ATG10: variants seen among roughly 807,000 people sequenced by gnomAD.
The protein encoded by ATG10 is autophagy related 10.
ATG10 carries 30 observed loss-of-function variants against 32.1 expected under a neutral mutation model. That is an observed-to-expected ratio of 0.94 (90% CI 0.70 to 1.27). The LOEUF (loss-of-function observed/expected upper bound fraction) is 1.27. Among genes scored for constraint, ATG10 ranks in the 50% most tolerant of loss-of-function variants. The pLI, the probability that ATG10 is intolerant of heterozygous loss-of-function variation, is 0.00. For missense variants in ATG10, 233 were observed against 262.3 expected (o/e 0.89, Z 0.77); for synonymous variants, 87 against 91.5 (o/e 0.95, Z 0.28).
At chr5:82,031,946 T>TAGC (rs1762753293) in intron 2 of ATG10, among the ~76,000 whole-genome samples, 2 of 152,238 alleles carry the variant, frequency 1.3e-5, no homozygotes, top group Admixed American at 1.3e-4. Flanking sequence ...GGAGCAACTA[T>TAGC]AGCAGCCTGC....
In ATG10 at chr5:82,071,751, TAGTC is replaced by T. The variant is rs1361632974; in HGVS notation, c.216+13152_216+13155del. Among the ~76,000 whole-genome samples the T allele has an allele frequency of 3.9e-5, 6 of 152,182 alleles. No homozygotes were observed. In the East Asian group the frequency reaches 5.8e-4, roughly 15 times the overall value. ...TGTGACTTTAGATTGGGCTGTGAAA[TAGTC>T]AGCGTTTTTAGCAGTTTGTCTGAAT... On this transcript the variant is annotated intron_variant, in intron 3 of 7. Transcript: ENST00000282185.
At chr5:82,041,615 C>T (rs949504950) in intron 2 of ATG10, among the ~76,000 whole-genome samples, 2 of 152,096 alleles carry the variant, frequency 1.3e-5, no homozygotes, top group African/African-American at 4.8e-5. Context: ...ATGTAAAACA[C>T]ATTTATTTTT....
rs529504745 is a variant in ATG10, at chr5:82,082,152, G to T, written c.216+23550G>T. On this transcript the variant is annotated intron_variant, in intron 3 of 7. Coordinates refer to ENST00000282185, the MANE Select transcript of ATG10 (RefSeq NM_031482.5). ...GGAGTTACAATTCCAGATGAGATTT[G>T]GGGGGGGGGACACAGCCAAACCATT... Among the ~76,000 whole-genome samples the T allele has an allele frequency of 8.7e-5, 13 of 148,950 alleles. 1 individual carries two copies. The highest frequency in any genetic ancestry group is 5.3e-4 in the Admixed American group (8 of 15,054).
intron 1 of ATG10, among the ~76,000 whole-genome samples, chr5:81,976,526 T>G (rs1291993108): frequency 6.6e-6 from 1 of 152,112 alleles, no homozygotes; most frequent in Non-Finnish European, 1.5e-5. Context: ...AAAATGAAAC[T>G]TTAGCTTAAC....
At chr5:82,077,985 T>C (rs917872564) in intron 3 of ATG10, among the ~76,000 whole-genome samples, 6 of 152,184 alleles carry the variant, frequency 3.9e-5, no homozygotes, top group African/African-American at 1.2e-4. Flanking sequence ...TCTTAGTGCA[T>C]TGGGATCATG....
At chr5:82,172,568 G>A (rs995241956) in intron 4 of ATG10, among the ~76,000 whole-genome samples, 2 of 152,090 alleles carry the variant, frequency 1.3e-5, no homozygotes, top group Non-Finnish European at 2.9e-5. Flanking sequence ...TTACCCTCAT[G>A]TGAAGACAAA....
chr5:82,160,547 A>T (rs984512047), intron 3 of ATG10, among the ~76,000 whole-genome samples: 3 of 152,168 alleles, frequency 2.0e-5, no homozygotes, highest in Non-Finnish European at 2.9e-5. Context: ...TGTGGTAATT[A>T]TATGTTTACT....
chr5:82,224,149 G>A (rs976213020), intron 5 of ATG10, among the ~76,000 whole-genome samples: 30 of 152,130 alleles, frequency 2.0e-4, no homozygotes, highest in Admixed American at 5.9e-4. Context: ...AGAATAGTCC[G>A]GGGCATGGTA....
intron 5 of ATG10, among the ~76,000 whole-genome samples, chr5:82,236,479 G>A (rs1469282092): frequency 6.6e-6 from 1 of 152,158 alleles, no homozygotes; most frequent in East Asian, 1.9e-4. Context: ...GAGCTGGAGT[G>A]GAGACTGTCA....
chr5:82,024,057 T>C (rs576568365), intron 2 of ATG10, among the ~76,000 whole-genome samples: 4 of 152,136 alleles, frequency 2.6e-5, no homozygotes, highest in African/African-American at 7.2e-5. Context: ...CCTAAAAAAC[T>C]GAGAGGTTTC....
chr5:82,066,017 G>A lies in ATG10; in HGVS notation c.216+7415G>A, dbSNP rs1763933424. Among the ~76,000 whole-genome samples, 5 of 151,888 alleles carry A rather than the reference G, an allele frequency of 3.3e-5. No homozygotes were observed. In the South Asian group the frequency reaches 1.0e-3, roughly 31 times the overall value. Reference sequence around the variant, plus strand: ...ATCGTGTCCAGCACTCATCCACTCAGTAAAAGGAAACAGTATCTAGTTAAC... The same window carrying A: ...ATCGTGTCCAGCACTCATCCACTCAATAAAAGGAAACAGTATCTAGTTAAC... On this transcript the variant is annotated intron_variant, in intron 3 of 7. Transcript: ENST00000282185.
chr5:82,097,821 A>G (rs1284790282), intron 3 of ATG10, among the ~76,000 whole-genome samples: 2 of 152,350 alleles, frequency 1.3e-5, no homozygotes, highest in East Asian at 3.9e-4. Flanking sequence ...TGTGTCTGAA[A>G]GAAATAATTC....
intron 3 of ATG10, among the ~76,000 whole-genome samples, chr5:82,162,845 G>A (rs1369771761): frequency 1.5e-5 from 2 of 131,458 alleles, no homozygotes; most frequent in African/African-American, 5.5e-5. Flanking sequence ...CGGGGGTGGG[G>A]AGGAGGTGTG....
intron 3 of ATG10, among the ~76,000 whole-genome samples, chr5:82,138,507 G>C (rs887300124): frequency 3.3e-5 from 5 of 152,010 alleles, no homozygotes; most frequent in African/African-American, 1.2e-4. Flanking sequence ...TGTGCTTCCC[G>C]GGTCAGGTGA....
chr5:82,220,635 CTT>C (rs1189095698), intron 5 of ATG10, among the ~76,000 whole-genome samples: 1 of 143,178 alleles, frequency 7.0e-6, no homozygotes, highest in Admixed American at 7.0e-5. Flanking sequence ...CTCTCTCTCT[CTT>C]TTTTTTTTTT....
At chr5:82,006,373 A>G (rs887109918) in intron 2 of ATG10, among the ~76,000 whole-genome samples, 1 of 152,122 alleles carries the variant, frequency 6.6e-6, no homozygotes, top group Non-Finnish European at 1.5e-5. Flanking sequence ...AGAGAATAGT[A>G]TAATGAATTC....
At chr5:82,185,829 T>G (rs1744425173) in intron 5 of ATG10, among the ~76,000 whole-genome samples, 4 of 152,210 alleles carry the variant, frequency 2.6e-5, no homozygotes, top group Admixed American at 2.6e-4. Flanking sequence ...AGTGCTCAAG[T>G]GAAGTTCCAG....
chr5:82,075,011 T>G lies in ATG10; in HGVS notation c.216+16409T>G, dbSNP rs576849823. ...GTTGCTAAGGTAGCATTTTCCTGAT[T>G]GGGAGGAGAAACCCTCCTGGGTGTT... On this transcript the variant is annotated intron_variant, in intron 3 of 7. Transcript: ENST00000282185. 3.3e-5 allele frequency among the ~76,000 whole-genome samples: 5 copies of G among 152,350 alleles called. No individual in the cohort carries two copies. The South Asian group carries it at 1.0e-3, about 32-fold the overall frequency.
At chr5:82,138,932 C>T (rs1438892006) in intron 3 of ATG10, among the ~76,000 whole-genome samples, 13 of 143,540 alleles carry the variant, frequency 9.1e-5, no homozygotes, top group Non-Finnish European at 2.0e-4. Flanking sequence ...GCTGCCATCT[C>T]GGCTCACTGC....
Sources: allele counts gnomAD v4.1 joint callset (sites outside exome capture counted in the v4.1 genomes callset), GRCh38; gene constraint gnomAD v4.1.1; transcripts MANE v1.5; gene names NCBI Gene and HGNC (gene_info 2026-07-23, HGNC 2026-07-21).